FRRS1L: variants seen among roughly 807,000 people sequenced by gnomAD.
The protein encoded by FRRS1L is DOMON domain-containing protein FRRS1L.
Under a neutral mutation model 28.6 loss-of-function variants are expected in FRRS1L, and 22 were observed. That is an observed-to-expected ratio of 0.77 (90% CI 0.55 to 1.10). The LOEUF (loss-of-function observed/expected upper bound fraction) is 1.10. FRRS1L is among the 50% of genes least tolerant of loss of function. The pLI is 0.00. For missense variants in FRRS1L, 380 were observed against 386.9 expected (o/e 0.98, Z 0.15); for synonymous variants, 158 against 151.4 (o/e 1.04, Z -0.32).
chr9:109,147,008 A>G (rs1002792251), intron 3 of FRRS1L, 43 bp downstream of exon 3: 2 of 1,588,226 alleles, frequency 1.3e-6, no homozygotes, highest in South Asian at 1.1e-5. Flanking sequence ...AGCACAGCCA[A>G]CTAAAGAGAA....
chr9:109,143,621 TCTC>T (rs1307371953), intron 3 of FRRS1L, among the ~76,000 whole-genome samples: 1 of 151,058 alleles, frequency 6.6e-6, no homozygotes, highest in Non-Finnish European at 1.5e-5. Context: ...TTCAAGCAAT[TCTC>T]CTGCCTCAGC....
At chr9:109,166,725 G>A (rs527375478) in intron 1 of FRRS1L, among the ~76,000 whole-genome samples, 176 bp downstream of exon 1, 45 of 151,998 alleles carry the variant, frequency 3.0e-4, no homozygotes, top group African/African-American at 9.4e-4. Context: ...CCTCCAGGCC[G>A]GCGGAGGCCT....
At chr9:109,151,898 A>G (rs1831334464) in intron 1 of FRRS1L, 1 of 152,208 alleles carries the variant, frequency 6.6e-6, no homozygotes, top group African/African-American at 2.4e-5. Flanking sequence ...GTTACTTCTC[A>G]CTACAGTCCT....
Position 109,147,090 on chromosome 9 carries a change from A to G in FRRS1L, c.423T>C (p.Asp141=). Residue 141 remains aspartate, a synonymous_variant, in exon 3 of 5, where the codon GAT becomes GAC. Coordinates refer to ENST00000561981, the MANE Select transcript of FRRS1L (RefSeq NM_014334.4). ...AAGAGAATCCAACTGCTACCCAACC[A>G]TCTGTGTCTGCACTCAGCTCAAATT... The part of the protein sequence containing the change: ...DVEFELSADT[D]GWVAVGFSSD... The G allele has an allele frequency of 6.2e-7, 1 of 1,613,882 alleles. No homozygotes were observed. The highest frequency in any genetic ancestry group is 8.5e-7 in the Non-Finnish European group (1 of 1,179,770).
intron 1 of FRRS1L, among the ~76,000 whole-genome samples, chr9:109,156,667 G>A (rs1262452160): frequency 6.7e-6 from 1 of 148,696 alleles, no homozygotes; most frequent in Non-Finnish European, 1.5e-5. Flanking sequence ...GGGATTACAG[G>A]CATGAGCCAC....
intron 1 of FRRS1L, among the ~76,000 whole-genome samples, chr9:109,153,445 C>T (rs577682457): frequency 1.5e-4 from 23 of 152,172 alleles, no homozygotes; most frequent in African/African-American, 4.1e-4. Context: ...GATAATCCCA[C>T]GAGGAGAAGG....
At chr9:109,158,796 A>G (rs1831442927) in intron 1 of FRRS1L, among the ~76,000 whole-genome samples, 2 of 152,234 alleles carry the variant, frequency 1.3e-5, no homozygotes, top group Non-Finnish European at 2.9e-5. Flanking sequence ...GCTGCTATGG[A>G]CAAGTTTTTG....
intron 1 of FRRS1L, among the ~76,000 whole-genome samples, chr9:109,153,123 C>T (rs1421779961): frequency 2.0e-5 from 3 of 152,070 alleles, no homozygotes; most frequent in Non-Finnish European, 4.4e-5. Flanking sequence ...ACTCTAAAAC[C>T]TTGGAATTTC....
chr9:109,142,950 G>T (rs978808785), intron 3 of FRRS1L, among the ~76,000 whole-genome samples: 1 of 152,244 alleles, frequency 6.6e-6, no homozygotes, highest in Admixed American at 6.5e-5. Context: ...CCTGAGGTGG[G>T]AGGGTCACTT....
At chr9:109,149,945 C>A in intron 1 of FRRS1L, 1 of 466,692 alleles carries the variant, frequency 2.1e-6, no homozygotes. Context: ...GTGTCCTTTT[C>A]TCACTTTACA....
At chr9:109,149,243 T>C (rs1212316484) in intron 2 of FRRS1L, among the ~76,000 whole-genome samples, 3 of 152,196 alleles carry the variant, frequency 2.0e-5, no homozygotes, top group Non-Finnish European at 4.4e-5. Flanking sequence ...CAGATATCCA[T>C]AGGTCAGGAC....
chr9:109,166,694 T>C (rs749874974), intron 1 of FRRS1L, among the ~76,000 whole-genome samples: 37 of 152,008 alleles, frequency 2.4e-4, no homozygotes, highest in Middle Eastern at 6.8e-3. Flanking sequence ...GCGGCAGGCA[T>C]TGACAGCTCT....
At chr9:109,162,913 C>A (rs1188827839) in intron 1 of FRRS1L, among the ~76,000 whole-genome samples, 4 of 152,204 alleles carry the variant, frequency 2.6e-5, no homozygotes, top group African/African-American at 9.6e-5. Context: ...CCACATTTTA[C>A]GAGTAGTCAG....
chr9:109,165,545 T>G (rs759569035), intron 1 of FRRS1L, among the ~76,000 whole-genome samples: 1 of 152,350 alleles, frequency 6.6e-6, no homozygotes, highest in Middle Eastern at 3.4e-3. Context: ...AACCACTATA[T>G]GTTAAAATCT....
At chr9:109,145,207 G>A (rs1011559319) in intron 3 of FRRS1L, among the ~76,000 whole-genome samples, 6 of 152,210 alleles carry the variant, frequency 3.9e-5, no homozygotes, top group African/African-American at 9.6e-5. Flanking sequence ...AGAGAAAAAC[G>A]CAGCAAGGCA....
intron 1 of FRRS1L, among the ~76,000 whole-genome samples, chr9:109,166,527 G>A (rs1831551762): frequency 6.6e-6 from 1 of 151,996 alleles, no homozygotes; most frequent in African/African-American, 2.4e-5. Flanking sequence ...GCCAGATGGC[G>A]GCCTCCTCCC....
chr9:109,147,362 G>C, intron 2 of FRRS1L, 173 bp from the exon 3 acceptor site: 1 of 594,704 alleles, frequency 1.7e-6, no homozygotes, highest in Non-Finnish European at 3.0e-6. Context: ...CCTTAGAGAT[G>C]ATCTGCCCCA....
rs1218472770 is a variant in FRRS1L, at chr9:109,167,166, C to T, written c.-28G>A. 3.8e-5 allele frequency: 43 copies of T among 1,145,180 alleles called. No individual in the cohort carries two copies. The East Asian group carries it at 2.0e-3, about 53-fold the overall frequency. 70.9% of individuals were successfully genotyped at this position (1,145,180 alleles called of 1,614,324 possible). On this transcript the variant is annotated 5_prime_UTR_variant, in exon 1 of 5. Coordinates refer to ENST00000561981, the MANE Select transcript of FRRS1L (RefSeq NM_014334.4). ...GTGCGCACAGATCCCGCAGCCAGGCCGCTCGGGCCGCAGCGGGGGCGCCGC... is the reference window on the plus strand; with the variant it reads ...GTGCGCACAGATCCCGCAGCCAGGCTGCTCGGGCCGCAGCGGGGGCGCCGC...
chr9:109,165,132 A>G (rs1017317197), intron 1 of FRRS1L, among the ~76,000 whole-genome samples: 1 of 152,234 alleles, frequency 6.6e-6, no homozygotes, highest in African/African-American at 2.4e-5. Context: ...AAGATACATT[A>G]GATGCTTTCA....
Sources: gnomAD v4.1 joint callset for allele counts (sites outside exome capture counted in the v4.1 genomes callset) on GRCh38, gnomAD v4.1.1 for gene constraint, MANE v1.5 for transcripts, NCBI Gene and HGNC (gene_info 2026-07-23, HGNC 2026-07-21) for gene names.